The following SIMC1 variants were observed in gnomAD, a reference collection of about 807,000 sequenced individuals.
The protein encoded by SIMC1 is SUMO-interacting motif-containing protein 1.
A neutral mutation model predicts 82.3 loss-of-function variants in SIMC1; 55 were observed. The ratio of observed to expected loss-of-function variants is 0.67; its 90% CI spans 0.54 to 0.84. The LOEUF is 0.84. SIMC1 is among the 40% of genes least tolerant of loss of function. The probability of loss-of-function intolerance (pLI) is 0.00; values close to 1 mark genes in which losing one functional copy is unlikely to be tolerated. For missense variants in SIMC1, 915 were observed against 1,107.2 expected (o/e 0.83, Z 2.46); for synonymous variants, 353 against 426.3 (o/e 0.83, Z 2.12).
chr5:176,246,647 C>T (rs1245022576), intron 1 of SIMC1, among the ~76,000 whole-genome samples: 1 of 151,948 alleles, frequency 6.6e-6, no homozygotes, highest in Non-Finnish European at 1.5e-5. Context: ...TTCTGGGATA[C>T]ATGTGCAGAA....
At chr5:176,250,632 A>C (rs1335979962) in intron 1 of SIMC1, among the ~76,000 whole-genome samples, 1 of 152,218 alleles carries the variant, frequency 6.6e-6, no homozygotes, top group Non-Finnish European at 1.5e-5. Flanking sequence ...TTGCTTTATG[A>C]ATCGGGATGC....
chr5:176,279,686 T>A (rs368831458), intron 1 of SIMC1, among the ~76,000 whole-genome samples: 6,069 of 150,930 alleles, frequency 0.04, 209 homozygotes, highest in African/African-American at 0.092. Flanking sequence ...TTTGTTCTCG[T>A]TGGTTTCAAA....
At chr5:176,312,042 A>G (rs951224788) in intron 4 of SIMC1, among the ~76,000 whole-genome samples, 5 of 152,228 alleles carry the variant, frequency 3.3e-5, no homozygotes, top group South Asian at 2.1e-4. Context: ...GGATTGGCCT[A>G]AGTAAATTCT....
At chr5:176,305,560 G>T (rs1352839166) in intron 4 of SIMC1, among the ~76,000 whole-genome samples, 1 of 138,510 alleles carries the variant, frequency 7.2e-6, no homozygotes, top group Non-Finnish European at 1.6e-5. Context: ...CTGGCCAGCC[G>T]CCCCGTCCGG....
intron 4 of SIMC1, among the ~76,000 whole-genome samples, chr5:176,305,725 C>T (rs1764321092): frequency 8.5e-5 from 7 of 82,426 alleles, no homozygotes; most frequent in Admixed American, 2.1e-4. Context: ...CAGCCCCCCG[C>T]CCGGCCAGCC....
At position 176,289,958 on chromosome 5, in the gene SIMC1, C is replaced by T; in HGVS notation, c.434C>T (p.Pro145Leu). Residue 145 changes from proline to leucine, a missense_variant, in exon 2 of 10, where the codon CCC becomes CTC. Pro to Leu is a moderately conservative substitution (Grantham distance 98). Coordinates refer to ENST00000429602, the MANE Select transcript of SIMC1 (RefSeq NM_001308195.2). The part of the protein sequence containing the change: ...VEENTFVGPP[P>L]ATSISGGSVY... ...GAAAACACCTTTGTAGGTCCCCCAC[C>T]CGCTACATCCATCAGTGGAGGCTCT... is the stretch of plus-strand genomic sequence containing the variant. 1 of 1,613,874 alleles carries T rather than the reference C, an allele frequency of 6.2e-7. No homozygotes were observed. Among genetic ancestry groups the T allele is most frequent in the Non-Finnish European group, 8.5e-7 (1 of 1,179,842 alleles).
chr5:176,300,146 A>G (rs891332989), intron 4 of SIMC1, among the ~76,000 whole-genome samples: 17 of 152,240 alleles, frequency 1.1e-4, no homozygotes, highest in African/African-American at 3.9e-4. Flanking sequence ...GATGTAAATA[A>G]ATGCTTGCAC....
chr5:176,345,386 T>C lies in SIMC1; in HGVS notation c.2617T>C (p.Tyr873His), dbSNP rs766222876. 20 of 1,613,878 alleles carry C rather than the reference T, an allele frequency of 1.2e-5. No individual in the cohort carries two copies. The Admixed American group carries it at 3.2e-4, about 26-fold the overall frequency. Residue 873 changes from tyrosine (Y) to histidine (H), a missense_variant, in exon 10 of 10, where the codon TAT becomes CAT. Transcript: ENST00000429602. ...KVHLLKLLLF[Y>H]AADLNPDAEP... is the part of the protein sequence containing the mutation. ...GCACTTGTTGAAGCTCCTGCTCTTC[T>C]ATGCTGCGGACTTGAACCCTGATGC... is the stretch of plus-strand genomic sequence containing the variant.
At chr5:176,345,009 G>A (rs1766371854) in intron 9 of SIMC1, among the ~76,000 whole-genome samples, 174 bp from the exon 10 acceptor site, 1 of 151,970 alleles carries the variant, frequency 6.6e-6, no homozygotes, top group African/African-American at 2.4e-5. Flanking sequence ...AGAGAACTGA[G>A]AACAAAGGGC....
At chr5:176,260,453 A>G (rs569501302) in intron 1 of SIMC1, among the ~76,000 whole-genome samples, 18 of 152,330 alleles carry the variant, frequency 1.2e-4, no homozygotes, top group South Asian at 8.3e-4. Flanking sequence ...CCAAAAACCT[A>G]TGAAACTAAA....
chr5:176,276,091 C>G (rs1298906687), intron 1 of SIMC1, among the ~76,000 whole-genome samples: 1 of 151,624 alleles, frequency 6.6e-6, no homozygotes, highest in Non-Finnish European at 1.5e-5. Context: ...GGCTGTGAAT[C>G]CATCTGATCC....
intron 1 of SIMC1, among the ~76,000 whole-genome samples, chr5:176,244,479 A>G (rs543121965): frequency 6.6e-6 from 1 of 151,264 alleles, no homozygotes; most frequent in South Asian, 2.1e-4. Context: ...GGATAAAATC[A>G]TCTAGGTTGA....
intron 9 of SIMC1, among the ~76,000 whole-genome samples, chr5:176,343,566 G>A (rs531850629): frequency 2.1e-4 from 32 of 152,226 alleles, no homozygotes; most frequent in African/African-American, 3.9e-4. Flanking sequence ...TATATATACC[G>A]TTTACGCTGA....
intron 4 of SIMC1, among the ~76,000 whole-genome samples, chr5:176,311,709 GA>G (rs1351243193): frequency 6.6e-6 from 1 of 152,128 alleles, no homozygotes; most frequent in Non-Finnish European, 1.5e-5. Flanking sequence ...AGAAAGGAAT[GA>G]TTTTCTTAGT....
intron 1 of SIMC1, among the ~76,000 whole-genome samples, chr5:176,246,532 G>A (rs977833831): frequency 1.7e-4 from 25 of 150,420 alleles, no homozygotes; most frequent in Non-Finnish European, 3.4e-4. Flanking sequence ...TCCACTTCCC[G>A]GGTTCAAGTG....
chr5:176,290,530 C>G lies in SIMC1; in HGVS notation c.1006C>G (p.Pro336Ala). The G allele has an allele frequency of 6.2e-7, 1 of 1,613,966 alleles. No individual in the cohort carries two copies. The highest frequency in any genetic ancestry group is 8.5e-7 in the Non-Finnish European group (1 of 1,179,888). The stretch of plus-strand genomic sequence containing the variant: ...TGCACCACAGTCACCAGGGGGCATG[C>G]CACACTTACCGGGAGATGTGTTACA... Reference protein sequence around the residue: ...PDAPQSPGGMPHLPGDVLHSP... With the variant: ...PDAPQSPGGMAHLPGDVLHSP... The change falls in exon 2 of 10, where the codon CCA becomes GCA. Residue 336 changes from proline (P) to alanine (A), a missense_variant. By Grantham distance (27) the Pro-to-Ala change is conservative (BLOSUM62 -1). Transcript: ENST00000429602.
At chr5:176,306,610 T>C (rs1304012046) in intron 4 of SIMC1, among the ~76,000 whole-genome samples, 10 of 151,458 alleles carry the variant, frequency 6.6e-5, no homozygotes, top group Non-Finnish European at 2.9e-5. Context: ...TCTGTGACCT[T>C]ACCCCCAACC....
At chr5:176,246,012 GT>G (rs1182868903) in intron 1 of SIMC1, among the ~76,000 whole-genome samples, 262 of 139,052 alleles carry the variant, frequency 1.9e-3, no homozygotes, top group African/African-American at 2.1e-3. Flanking sequence ...ATTTGTCAAG[GT>G]TTTTTTTTTT....
chr5:176,243,721 A>G (rs1488299371), intron 1 of SIMC1, among the ~76,000 whole-genome samples: 1 of 152,008 alleles, frequency 6.6e-6, no homozygotes, highest in African/African-American at 2.4e-5. Context: ...GGGTTTCACC[A>G]TGTTGGCCAG....
Sources: gnomAD v4.1 joint callset for allele counts (sites outside exome capture counted in the v4.1 genomes callset) on GRCh38, gnomAD v4.1.1 for gene constraint, MANE v1.5 for transcripts, NCBI Gene and HGNC (gene_info 2026-07-23, HGNC 2026-07-21) for gene names.